Variants in ITPKB observed in about 807,000 individuals in gnomAD.
The protein encoded by ITPKB is inositol-trisphosphate 3-kinase B.
In ITPKB, 13 loss-of-function variants were observed where a neutral mutation model predicts 69.4. The observed-to-expected ratio is 0.19, with a 90% confidence interval of 0.12 to 0.30. The LOEUF (loss-of-function observed/expected upper bound fraction) is 0.30. Among genes scored for constraint, ITPKB ranks in the 10% least tolerant of loss-of-function variants. ITPKB has a pLI of 1.00. For missense variants in ITPKB, 1,240 were observed against 1,250.5 expected, an observed-to-expected ratio of 0.99 and a Z score of 0.13; for synonymous variants, 584 against 513.7, an observed-to-expected ratio of 1.14 and a Z score of -1.85.
At chr1:226,638,111 C>T (rs1668877699) in intron 6 of ITPKB, among the ~76,000 whole-genome samples, 1 of 152,204 alleles carries the variant, frequency 6.6e-6, no homozygotes, top group South Asian at 2.1e-4. Flanking sequence ...TCGTCATACA[C>T]AGGTACACAG....
chr1:226,706,106 T>C (rs1656796506), intron 2 of ITPKB, among the ~76,000 whole-genome samples: 2 of 152,090 alleles, frequency 1.3e-5, no homozygotes, highest in African/African-American at 2.4e-5. Context: ...TCCTGTGAGG[T>C]GAAGGTCAAA....
Position 226,737,513 on chromosome 1 carries a change from G to C in ITPKB, c.-55C>G, listed in dbSNP as rs951457331. 23 of 1,443,796 alleles carry C rather than the reference G, an allele frequency of 1.6e-5. No individual in the cohort carries two copies. Among genetic ancestry groups the C allele is most frequent in the Non-Finnish European group, 2.0e-5 (22 of 1,099,890 alleles). The allele number at this position is 1,443,796 out of a possible 1,614,324, so 89.4% of individuals were successfully genotyped here. A position where few individuals can be genotyped will look rare whatever the true frequency, so the allele number is the denominator to read the frequency against. Reference sequence around the variant, plus strand: ...CGGCTCCCGCTCCTGCTCCGCCGCCGGCGCCTCCTCCTCCCGGCGCTCCCG... The same window carrying C: ...CGGCTCCCGCTCCTGCTCCGCCGCCCGCGCCTCCTCCTCCCGGCGCTCCCG... On this transcript the variant is annotated 5_prime_UTR_variant, in exon 2 of 8. Transcript: ENST00000429204.
intron 2 of ITPKB, among the ~76,000 whole-genome samples, chr1:226,723,802 C>A (rs1657319665): frequency 6.6e-6 from 1 of 152,114 alleles, no homozygotes; most frequent in Non-Finnish European, 1.5e-5. Context: ...TGTAACCTGA[C>A]ACCTCTTGCC....
intron 2 of ITPKB, among the ~76,000 whole-genome samples, chr1:226,685,396 G>A (rs945351467): frequency 1.3e-5 from 2 of 152,050 alleles, no homozygotes; most frequent in Non-Finnish European, 2.9e-5. Flanking sequence ...ACATTCTCTC[G>A]GGTTTCCTGG....
At chr1:226,662,944 C>T (rs1019920071) in intron 2 of ITPKB, among the ~76,000 whole-genome samples, 3 of 152,192 alleles carry the variant, frequency 2.0e-5, no homozygotes, top group Admixed American at 2.0e-4. Context: ...CACCCAGCTT[C>T]CCTCTCCTGA....
At chr1:226,660,693 G>T (rs1669386322) in intron 2 of ITPKB, among the ~76,000 whole-genome samples, 1 of 152,230 alleles carries the variant, frequency 6.6e-6, no homozygotes, top group South Asian at 2.1e-4. Context: ...GGCCTCTCCA[G>T]GCCTCAAAGG....
At position 226,736,838 on chromosome 1, in the gene ITPKB, C is replaced by T. The variant is rs748292776; in HGVS notation, c.621G>A (p.Glu207=). 16 of 1,612,454 alleles carry T rather than the reference C, an allele frequency of 9.9e-6. No homozygotes were observed. The highest frequency in any genetic ancestry group is 1.7e-5 in the Admixed American group (1 of 60,014). ...SEERRTKSWG[E]QCPETSGTDS... is the part of the protein sequence containing the mutation. ...CGGTTCCTGAAGTCTCTGGACATTG[C>T]TCCCCCCAGGACTTTGTCCTCCGTT... Residue 207 remains glutamate, a synonymous_variant, in exon 2 of 8, where the codon GAG becomes GAA. Coordinates refer to ENST00000429204, the MANE Select transcript of ITPKB (RefSeq NM_002221.4).
In ITPKB at chr1:226,736,709, A is replaced by T. The variant is rs1366673494; in HGVS notation, c.750T>A (p.Gly250=). Residue 250 remains glycine (G), a synonymous_variant, in exon 2 of 8, where the codon GGT becomes GGA. Transcript: ENST00000429204. ...RAAPTGSEAQ[G]PSAFVRMEKG... ...TCTCCATCCTTACAAAAGCGGATGG[A>T]CCCTGAGCCTCTGATCCTGTAGGGG... 2 of 1,612,590 alleles carry T rather than the reference A, an allele frequency of 1.2e-6. No homozygotes were observed. The highest frequency in any genetic ancestry group is 2.7e-5 in the African/African-American group (2 of 74,898).
intron 2 of ITPKB, among the ~76,000 whole-genome samples, chr1:226,711,180 C>CA (rs913180262): frequency 7.9e-5 from 12 of 151,538 alleles, no homozygotes; most frequent in South Asian, 2.1e-4. Context: ...ATAAATAGGA[C>CA]AAAAAAAATG....
chr1:226,732,831 T>A (rs1433111732), intron 2 of ITPKB, among the ~76,000 whole-genome samples: 1 of 152,190 alleles, frequency 6.6e-6, no homozygotes, highest in South Asian at 2.1e-4. Flanking sequence ...ATTTCAGCCA[T>A]TGCACACTGG....
chr1:226,698,660 C>T (rs1656557698), intron 2 of ITPKB, among the ~76,000 whole-genome samples: 2 of 152,198 alleles, frequency 1.3e-5, no homozygotes, highest in Admixed American at 1.3e-4. Flanking sequence ...AGAGGTCAGA[C>T]TAGGAAGAGG....
Position 226,738,822 on chromosome 1 carries a change from G to C in ITPKB, c.-206+219C>G, listed in dbSNP as rs1415179308. On this transcript the variant is annotated intron_variant, in intron 1 of 7. Transcript: ENST00000429204. The surrounding 1 kb of genome is among the most constrained non-coding windows in gnomAD (Gnocchi z 4.2). Reference sequence around the variant, plus strand: ...GAGGCGGCGCGGAGTGAGCGGCCCGGAAGGCGGGTAGGAGAAATGCGGAGA... The same window carrying C: ...GAGGCGGCGCGGAGTGAGCGGCCCGCAAGGCGGGTAGGAGAAATGCGGAGA... Among the ~76,000 whole-genome samples the C allele has an allele frequency of 6.6e-6, 1 of 152,182 alleles. No homozygotes were observed. Among genetic ancestry groups the C allele is most frequent in the Non-Finnish European group, 1.5e-5 (1 of 68,034 alleles).
intron 2 of ITPKB, among the ~76,000 whole-genome samples, chr1:226,670,945 TA>T (rs1332588068): frequency 1.3e-5 from 2 of 152,218 alleles, no homozygotes; most frequent in Non-Finnish European, 2.9e-5. Context: ...TTTTACAATG[TA>T]AAAAATATAC....
intron 2 of ITPKB, among the ~76,000 whole-genome samples, chr1:226,661,644 C>G (rs1034047994): frequency 6.6e-6 from 1 of 152,222 alleles, no homozygotes; most frequent in South Asian, 2.1e-4. Context: ...AATGGAAATA[C>G]CATGTATCCT....
intron 2 of ITPKB, among the ~76,000 whole-genome samples, chr1:226,733,010 A>C (rs1421968157): frequency 6.6e-6 from 1 of 152,206 alleles, no homozygotes; most frequent in African/African-American, 2.4e-5. Context: ...AAGGTAGGGC[A>C]GCACAGAAAC....
At chr1:226,645,280 C>T (rs74560933) in intron 4 of ITPKB, among the ~76,000 whole-genome samples, 3,922 of 152,312 alleles carry the variant, frequency 0.026, 192 homozygotes, top group African/African-American at 0.089. Flanking sequence ...TCCACACATA[C>T]TCCTCTCTCA....
Position 226,641,024 on chromosome 1 carries a change from G to A in ITPKB, c.2451+897C>T, listed in dbSNP as rs1388753211. Among the ~76,000 whole-genome samples the A allele has an allele frequency of 2.6e-5, 4 of 152,134 alleles. No homozygotes were observed. The highest frequency in any genetic ancestry group is 9.7e-5 in the African/African-American group (4 of 41,430). ...TGACTGGACAGAGAATGGGAGACCC[G>A]ACAACCCCACAGGGACTGCCATCTG... On this transcript the variant is annotated intron_variant, in intron 5 of 7. Transcript: ENST00000429204. This position sits in a 1 kb window ranked among gnomAD's most constrained non-coding sequence, Gnocchi z 4.6.
At chr1:226,689,569 TTG>T (rs10589027) in intron 2 of ITPKB, among the ~76,000 whole-genome samples, 34,928 of 138,292 alleles carry the variant, frequency 0.25, 4,268 homozygotes, top group Middle Eastern at 0.27. Flanking sequence ...AAGGTTTTAT[TTG>T]TGTGTGTGTG....
At chr1:226,675,127 C>CTAA in intron 2 of ITPKB, 1 of 66,978 alleles carries the variant, frequency 1.5e-5, no homozygotes, top group African/African-American at 6.1e-5. Flanking sequence ...TGCTTACAGG[C>CTAA]AAAAAAAAAA....
Sources: gnomAD v4.1 joint callset for allele counts (sites outside exome capture counted in the v4.1 genomes callset) on GRCh38, gnomAD v4.1.1 for gene constraint, Gnocchi (gnomAD v3.1) non-coding constraint, MANE v1.5 for transcripts, NCBI Gene and HGNC (gene_info 2026-07-23, HGNC 2026-07-21) for gene names.